Variants in AGBL1 observed in about 807,000 individuals in gnomAD.
The protein encoded by AGBL1 is cytosolic carboxypeptidase 4.
Under a neutral mutation model 118.9 loss-of-function variants are expected in AGBL1, and 130 were observed. The ratio of observed to expected loss-of-function variants is 1.09; its 90% CI spans 0.95 to 1.26. AGBL1 has a LOEUF of 1.26. AGBL1 is among the 50% of genes most tolerant of loss of function. The probability of loss-of-function intolerance (pLI) is 0.00; values close to 1 mark genes in which losing one functional copy is unlikely to be tolerated. For synonymous variants in AGBL1, 555 were observed against 478.9 expected (o/e 1.16, Z -2.08); for missense variants, 1,584 against 1,298.1 (o/e 1.22, Z -3.38).
At chr15:86,176,519 G>A (rs948402736) in intron 5 of AGBL1, among the ~76,000 whole-genome samples, 1 of 152,212 alleles carries the variant, frequency 6.6e-6, no homozygotes, top group Non-Finnish European at 1.5e-5. Context: ...GCACTGCACT[G>A]CCATTCACTA....
At chr15:86,933,936 A>G (rs2080635514) in intron 23 of AGBL1, among the ~76,000 whole-genome samples, 1 of 152,192 alleles carries the variant, frequency 6.6e-6, no homozygotes, top group Non-Finnish European at 1.5e-5. Context: ...GGCCTTATTA[A>G]GTTTCTCCAT....
chr15:86,461,813 A>G (rs1056827309), intron 18 of AGBL1, among the ~76,000 whole-genome samples: 2 of 151,760 alleles, frequency 1.3e-5, no homozygotes, highest in African/African-American at 4.8e-5. Flanking sequence ...AAGAATTTTC[A>G]TGTCTCTTTA....
chr15:86,391,252 A>G (rs1000055310), intron 17 of AGBL1, among the ~76,000 whole-genome samples: 40 of 152,308 alleles, frequency 2.6e-4, no homozygotes, highest in African/African-American at 9.4e-4. Context: ...AGATAGAAAC[A>G]TCTTTTAATA....
At chr15:86,977,945 A>T (rs534999566) in intron 23 of AGBL1, among the ~76,000 whole-genome samples, 1 of 152,290 alleles carries the variant, frequency 6.6e-6, no homozygotes, top group South Asian at 2.1e-4. Context: ...ATTACTAAGG[A>T]TATTTAAAAT....
intron 6 of AGBL1, among the ~76,000 whole-genome samples, chr15:86,242,665 A>G (rs766458330): frequency 2.0e-5 from 3 of 152,200 alleles, no homozygotes; most frequent in Non-Finnish European, 4.4e-5. Context: ...AAAGCTTCCA[A>G]TACGTTACTT....
intron 12 of AGBL1, 145 bp from the exon 13 acceptor site, chr15:86,266,845 G>A (rs1255420892): frequency 1.4e-6 from 1 of 712,606 alleles, no homozygotes; most frequent in Admixed American, 2.3e-5. Context: ...AGGTTGCAGT[G>A]AGCTGACATC....
At chr15:86,887,555 G>A (rs183527625) in intron 22 of AGBL1, among the ~76,000 whole-genome samples, 1 of 152,296 alleles carries the variant, frequency 6.6e-6, no homozygotes, top group East Asian at 1.9e-4. Flanking sequence ...TATGAGTTGA[G>A]TGAGGAGGAA....
intron 22 of AGBL1, among the ~76,000 whole-genome samples, chr15:86,763,613 T>C (rs1180174661): frequency 6.6e-6 from 1 of 151,832 alleles, no homozygotes; most frequent in Non-Finnish European, 1.5e-5. Context: ...GTTGAAGGAG[T>C]TGAATGCCTA....
intron 17 of AGBL1, among the ~76,000 whole-genome samples, chr15:86,336,140 T>C (rs191559789): frequency 3.9e-5 from 6 of 152,234 alleles, no homozygotes; most frequent in African/African-American, 9.6e-5. Context: ...TGTGATAGAG[T>C]GCCCTAGGCA....
intron 18 of AGBL1, among the ~76,000 whole-genome samples, chr15:86,426,472 AC>A (rs1043959464): frequency 1.3e-5 from 2 of 152,218 alleles, no homozygotes. Context: ...GTTCATTCAC[AC>A]AGGGACAATG....
At chr15:86,116,238 A>G (rs1897750502) in intron 1 of AGBL1, among the ~76,000 whole-genome samples, 1 of 152,222 alleles carries the variant, frequency 6.6e-6, no homozygotes, top group South Asian at 2.1e-4. Context: ...ACAAAAATGT[A>G]AGGCTCAGAA....
chr15:86,514,919 C>T (rs1325562236), intron 18 of AGBL1, among the ~76,000 whole-genome samples: 2 of 152,060 alleles, frequency 1.3e-5, no homozygotes, highest in African/African-American at 4.8e-5. Flanking sequence ...CATTTAACTC[C>T]ACATCCTAAA....
chr15:86,933,579 C>T (rs1182082101), intron 23 of AGBL1, among the ~76,000 whole-genome samples: 1 of 152,308 alleles, frequency 6.6e-6, no homozygotes, highest in East Asian at 1.9e-4. Flanking sequence ...AAACTCCTTT[C>T]TTGACTGCAA....
At chr15:86,270,164 GT>G (rs1293634209) in intron 14 of AGBL1, 97 bp downstream of exon 14, 1 of 1,459,818 alleles carries the variant, frequency 6.9e-7, no homozygotes, top group Non-Finnish European at 9.1e-7. Flanking sequence ...GGTTCAGAGG[GT>G]TTGAAGTTGG....
chr15:86,842,040 G>A (rs1459862570), intron 22 of AGBL1, among the ~76,000 whole-genome samples: 1 of 151,346 alleles, frequency 6.6e-6, no homozygotes, highest in Non-Finnish European at 1.5e-5. Flanking sequence ...AAGGTGGATG[G>A]ATGGATGAGT....
intron 22 of AGBL1, among the ~76,000 whole-genome samples, chr15:86,722,075 T>C (rs963141860): frequency 6.6e-6 from 1 of 152,034 alleles, no homozygotes; most frequent in African/African-American, 2.4e-5. Flanking sequence ...AAAATGGCCA[T>C]ACTGCCCAAG....
intron 22 of AGBL1, among the ~76,000 whole-genome samples, chr15:86,722,932 T>G (rs1355595761): frequency 6.6e-6 from 1 of 152,094 alleles, no homozygotes; most frequent in East Asian, 1.9e-4. Context: ...ATCAGAGAAA[T>G]GCAAATCAAA....
At chr15:86,406,630 C>A (rs757107116) in intron 18 of AGBL1, among the ~76,000 whole-genome samples, 19 of 152,012 alleles carry the variant, frequency 1.2e-4, no homozygotes, top group Non-Finnish European at 2.4e-4. Flanking sequence ...ATCAAGCTGC[C>A]CAGAGAAAAA....
intron 5 of AGBL1, among the ~76,000 whole-genome samples, chr15:86,211,680 G>A (rs1346001956): frequency 6.6e-6 from 1 of 152,204 alleles, no homozygotes; most frequent in East Asian, 1.9e-4. Context: ...TGTGCCATTT[G>A]CTAAGAACAT....
Sources: gnomAD v4.1 joint callset for allele counts (sites outside exome capture counted in the v4.1 genomes callset) on GRCh38, gnomAD v4.1.1 for gene constraint, MANE v1.5 for transcripts, NCBI Gene and HGNC (gene_info 2026-07-23, HGNC 2026-07-21) for gene names.